Variants in ARL8B observed in about 807,000 individuals in gnomAD.
ARL8B encodes the protein ARF like GTPase 8B.
A neutral mutation model predicts 30.6 loss-of-function variants in ARL8B; 9 were observed. The observed-to-expected ratio is 0.29, with a 90% confidence interval of 0.18 to 0.51. The LOEUF is 0.51. ARL8B is among the 20% of genes least tolerant of loss of function. The probability of loss-of-function intolerance (pLI) is 0.97; values close to 1 mark genes in which losing one functional copy is unlikely to be tolerated. For missense variants in ARL8B, 130 were observed against 227.2 expected (o/e 0.57, Z 2.75); for synonymous variants, 74 against 76.0 (o/e 0.97, Z 0.14).
At chr3:5,155,278 A>G (rs2054522426) in intron 1 of ARL8B, among the ~76,000 whole-genome samples, 6 of 152,140 alleles carry the variant, frequency 3.9e-5, no homozygotes, top group Admixed American at 3.9e-4. Flanking sequence ...ATCTGCTGCT[A>G]CTATTGATTA....
chr3:5,146,734 T>A (rs909068170), intron 1 of ARL8B, among the ~76,000 whole-genome samples: 9 of 152,136 alleles, frequency 5.9e-5, no homozygotes, highest in African/African-American at 2.2e-4. Context: ...CATATAAGAG[T>A]GACCTCTCAG....
intron 1 of ARL8B, among the ~76,000 whole-genome samples, chr3:5,152,486 G>T (rs1209459024): frequency 4.6e-5 from 7 of 151,974 alleles, no homozygotes; most frequent in Admixed American, 4.6e-4. Context: ...ATTAAAGTGG[G>T]TTTCTCTTCT....
intron 1 of ARL8B, among the ~76,000 whole-genome samples, chr3:5,127,263 A>T (rs1358858919): frequency 6.6e-6 from 1 of 152,212 alleles, no homozygotes; most frequent in East Asian, 1.9e-4. Context: ...GGGCCAGTGT[A>T]CTTTCTACTT....
At chr3:5,160,672 C>T (rs901228895) in intron 1 of ARL8B, among the ~76,000 whole-genome samples, 3 of 152,146 alleles carry the variant, frequency 2.0e-5, no homozygotes, top group Admixed American at 6.5e-5. Flanking sequence ...TATGCCATTA[C>T]GCTTTATAAA....
intron 1 of ARL8B, among the ~76,000 whole-genome samples, chr3:5,152,440 A>G (rs2054493035): frequency 6.6e-6 from 1 of 152,152 alleles, no homozygotes; most frequent in Non-Finnish European, 1.5e-5. Context: ...TTGTCTTTCT[A>G]TCTTTTTACT....
chr3:5,159,928 C>T (rs1268781076), intron 1 of ARL8B, among the ~76,000 whole-genome samples: 4 of 152,008 alleles, frequency 2.6e-5, no homozygotes, highest in Non-Finnish European at 4.4e-5. Context: ...GTTAGAAACG[C>T]AAACATTCAA....
chr3:5,139,528 A>G (rs144424310), intron 1 of ARL8B, among the ~76,000 whole-genome samples: 7 of 152,302 alleles, frequency 4.6e-5, no homozygotes, highest in African/African-American at 1.2e-4. Context: ...TTCTAATACA[A>G]TGGATCTGAG....
chr3:5,131,340 T>C (rs2054281400), intron 1 of ARL8B, among the ~76,000 whole-genome samples: 1 of 152,154 alleles, frequency 6.6e-6, no homozygotes, highest in South Asian at 2.1e-4. Flanking sequence ...CTTCATAATT[T>C]AGCTATTTCG....
intron 1 of ARL8B, among the ~76,000 whole-genome samples, chr3:5,143,882 A>G (rs1275762620): frequency 6.6e-6 from 1 of 152,232 alleles, no homozygotes; most frequent in Non-Finnish European, 1.5e-5. Context: ...ATGGGAGCCC[A>G]TATAATAACT....
intron 1 of ARL8B, among the ~76,000 whole-genome samples, chr3:5,144,603 A>G (rs1348988095): frequency 3.3e-5 from 5 of 152,200 alleles, no homozygotes; most frequent in Non-Finnish European, 7.3e-5. Context: ...TGTGACCCCT[A>G]TCCTAATTCT....
At chr3:5,131,160 C>T (rs1241583570) in intron 1 of ARL8B, among the ~76,000 whole-genome samples, 1 of 152,104 alleles carries the variant, frequency 6.6e-6, no homozygotes, top group Non-Finnish European at 1.5e-5. Context: ...CCGCCTTAGC[C>T]TCCCAAAGTA....
chr3:5,160,026 T>G (rs1305055178), intron 1 of ARL8B, among the ~76,000 whole-genome samples: 1 of 152,194 alleles, frequency 6.6e-6, no homozygotes, highest in African/African-American at 2.4e-5. Context: ...TCAACACTCA[T>G]GCTCCCTACT....
chr3:5,173,881 A>AC, intron 4 of ARL8B, 136 bp from the exon 5 acceptor site: 1 of 731,434 alleles, frequency 1.4e-6, no homozygotes, highest in South Asian at 1.5e-5. Context: ...GAGACAAGCC[A>AC]CCAGTTACAC....
chr3:5,136,068 G>T (rs1031572631), intron 1 of ARL8B, among the ~76,000 whole-genome samples: 1 of 151,672 alleles, frequency 6.6e-6, no homozygotes, highest in Non-Finnish European at 1.5e-5. Flanking sequence ...GATTATAGGC[G>T]TGAGCCATCA....
chr3:5,175,923 A>G (rs1421739101), intron 6 of ARL8B, among the ~76,000 whole-genome samples: 2 of 152,172 alleles, frequency 1.3e-5, no homozygotes, highest in Non-Finnish European at 2.9e-5. Context: ...ATCTTAACTA[A>G]TAACTTGCAG....
chr3:5,125,851 A>C (rs1045703455), intron 1 of ARL8B, among the ~76,000 whole-genome samples: 1 of 152,132 alleles, frequency 6.6e-6, no homozygotes, highest in Non-Finnish European at 1.5e-5. Flanking sequence ...TCATTAGACT[A>C]TTCTTTTTAA....
At chr3:5,157,329 C>A (rs746487916) in intron 1 of ARL8B, among the ~76,000 whole-genome samples, 1 of 152,176 alleles carries the variant, frequency 6.6e-6, no homozygotes, top group African/African-American at 2.4e-5. Context: ...TGTATTACTC[C>A]AGTTCGTTCC....
chr3:5,130,723 A>C (rs2106553829), intron 1 of ARL8B, among the ~76,000 whole-genome samples: 1 of 151,188 alleles, frequency 6.6e-6, no homozygotes, highest in Non-Finnish European at 1.5e-5. Context: ...TTTAGTAGAG[A>C]TGGGGTTTCG....
chr3:5,161,273 C>T lies in ARL8B; in HGVS notation c.124-9230C>T, dbSNP rs574992817. 2.8e-4 allele frequency among the ~76,000 whole-genome samples: 42 copies of T among 152,214 alleles called. 1 individual carries two copies. The South Asian group carries it at 5.8e-3, about 21-fold the overall frequency. ...CCCATAAGGCAAATCTGATTGTTTG[C>T]CAGATTACCATAAACTCAGCAACAT... On this transcript the variant is annotated intron_variant, in intron 1 of 6. Transcript: ENST00000256496.
Sources: allele counts gnomAD v4.1 joint callset (sites outside exome capture counted in the v4.1 genomes callset), GRCh38; gene constraint gnomAD v4.1.1; transcripts MANE v1.5; gene names NCBI Gene and HGNC (gene_info 2026-07-23, HGNC 2026-07-21).